RNF144A: variants seen among roughly 807,000 people sequenced by gnomAD.
RNF144A encodes ring finger protein 144A.
A neutral mutation model predicts 38.7 loss-of-function variants in RNF144A; 11 were observed. The observed-to-expected ratio is 0.28, with a 90% CI of 0.18 to 0.47. RNF144A has a LOEUF of 0.47. Ranked by LOEUF, RNF144A falls within the 20% of genes least tolerant of loss-of-function variation. RNF144A has a pLI of 0.99. For missense variants in RNF144A, 316 were observed against 377.2 expected, an observed-to-expected ratio of 0.84 and a Z score of 1.34; for synonymous variants, 149 against 143.9, an observed-to-expected ratio of 1.04 and a Z score of -0.25.
At chr2:6,925,188 A>C (rs1664781801) in intron 1 of RNF144A, among the ~76,000 whole-genome samples, 1 of 152,130 alleles carries the variant, frequency 6.6e-6, no homozygotes, top group Non-Finnish European at 1.5e-5. Context: ...ACCACTTGGC[A>C]GAAGTAAGTG....
chr2:7,010,699 C>A lies in RNF144A; in HGVS notation c.136-3755C>A, dbSNP rs71436174. On this transcript the variant is annotated intron_variant, in intron 3 of 8. Coordinates refer to ENST00000320892, the MANE Select transcript of RNF144A (RefSeq NM_014746.6). Reference sequence around the variant, plus strand: ...CTGGAACATTCTGTGGCTTACCCCCCTTTCTTCCCTCTGTGTGGCTGATGC... The same window carrying A: ...CTGGAACATTCTGTGGCTTACCCCCATTTCTTCCCTCTGTGTGGCTGATGC... 4.3e-3 allele frequency among the ~76,000 whole-genome samples: 659 copies of A among 152,228 alleles called. 2 individuals are homozygous for A. The highest frequency in any genetic ancestry group is 7.1e-3 in the Non-Finnish European group (485 of 67,998).
At chr2:6,999,138 T>C (rs76461195) in intron 3 of RNF144A, among the ~76,000 whole-genome samples, 24 of 152,358 alleles carry the variant, frequency 1.6e-4, no homozygotes, top group African/African-American at 5.5e-4. Context: ...GCTAGCACTG[T>C]GTTCTCCGAA....
chr2:6,977,360 G>A (rs762388261), intron 2 of RNF144A, among the ~76,000 whole-genome samples: 25 of 152,306 alleles, frequency 1.6e-4, no homozygotes, highest in African/African-American at 5.8e-4. Flanking sequence ...TTAATGACAC[G>A]AAAGCACAGA....
chr2:7,012,403 C>G (rs1431717749), intron 3 of RNF144A, among the ~76,000 whole-genome samples: 2 of 152,172 alleles, frequency 1.3e-5, no homozygotes, highest in African/African-American at 4.8e-5. Context: ...GTTTTATTGT[C>G]AAGTGCAGGG....
intron 6 of RNF144A, among the ~76,000 whole-genome samples, chr2:7,063,860 A>C (rs1674077516): frequency 6.6e-6 from 1 of 152,256 alleles, no homozygotes. Flanking sequence ...AATATGCCTT[A>C]GTCCATTTTC....
chr2:7,053,696 G>T (rs1398522880), intron 6 of RNF144A, among the ~76,000 whole-genome samples: 1 of 152,218 alleles, frequency 6.6e-6, no homozygotes, highest in East Asian at 1.9e-4. Context: ...ATTTGTTTTT[G>T]TGTATATGTA....
downstream of RNF144A, among the ~76,000 whole-genome samples, chr2:7,069,541 A>G (rs1397239100): frequency 6.6e-6 from 1 of 151,838 alleles, no homozygotes; most frequent in Non-Finnish European, 1.5e-5. Context: ...GCTCCCTCTC[A>G]TTCATATTCC....
At position 7,016,626 on chromosome 2, in the gene RNF144A, T is replaced by C. The variant is rs957031347; in HGVS notation, c.301+1854T>C. Among the ~76,000 whole-genome samples, 4 of 131,334 alleles carry C rather than the reference T, an allele frequency of 3.0e-5. No individual in the cohort carries two copies. In the Admixed American group the frequency reaches 3.1e-4, roughly 10 times the overall value. 86.2% of individuals were successfully genotyped at this position (131,334 alleles called of 152,430 possible). A position where few individuals can be genotyped will look rare whatever the true frequency, so the allele number is the denominator to read the frequency against. Reference sequence around the variant, plus strand: ...CATTATGTTCAAAGTTTTTTTTTTTTTAAGTATTCAGACTTCATACTATAA... The same window carrying C: ...CATTATGTTCAAAGTTTTTTTTTTTCTAAGTATTCAGACTTCATACTATAA... On this transcript the variant is annotated intron_variant, in intron 5 of 8. Transcript: ENST00000320892.
chr2:7,006,558 G>A (rs979195556), intron 3 of RNF144A, among the ~76,000 whole-genome samples: 22 of 151,910 alleles, frequency 1.4e-4, no homozygotes, highest in African/African-American at 3.6e-4. Context: ...TTGTGGCCCC[G>A]CTACCCCAAC....
intron 7 of RNF144A, among the ~76,000 whole-genome samples, chr2:7,028,772 G>T (rs749952084): frequency 6.6e-6 from 1 of 152,194 alleles, no homozygotes; most frequent in African/African-American, 2.4e-5. Context: ...GAAGAGAAAG[G>T]TGTGGCCAGA....
intron 3 of RNF144A, among the ~76,000 whole-genome samples, chr2:7,007,574 T>C (rs1425604052): frequency 6.6e-6 from 1 of 152,132 alleles, no homozygotes; most frequent in Non-Finnish European, 1.5e-5. Context: ...ACCCTCAACA[T>C]AGTACACTTG....
At chr2:6,965,949 AC>A (rs1317458422) in intron 2 of RNF144A, among the ~76,000 whole-genome samples, 2 of 152,152 alleles carry the variant, frequency 1.3e-5, no homozygotes, top group Non-Finnish European at 2.9e-5. Flanking sequence ...AGGAAAAAAG[AC>A]CGCTCCTCAC....
At position 6,984,779 on chromosome 2, in the gene RNF144A, C is replaced by A. The variant is rs375451368; in HGVS notation, c.-11-12137C>A. ...TGGTGCAGATCCTGAATATTCCCAGCCTTTAGGATTTAATGTGGTCCTGAC... is the reference window on the plus strand; with the variant it reads ...TGGTGCAGATCCTGAATATTCCCAGACTTTAGGATTTAATGTGGTCCTGAC... On this transcript the variant is annotated intron_variant, in intron 2 of 8. Transcript: ENST00000320892. Among the ~76,000 whole-genome samples, 11 of 152,308 alleles carry A rather than the reference C, an allele frequency of 7.2e-5. No homozygotes were observed. The East Asian group carries it at 1.7e-3, about 24-fold the overall frequency.
rs1665478874 is a variant in RNF144A at position 6,935,040 on chromosome 2, T to C, written c.-211-5908T>C. The stretch of plus-strand genomic sequence containing the variant: ...GCCACTTCCAGGCCATTGCACCTTC[T>C]TCCTTCCTAAAAATCCCCTGCTCCC... On this transcript the variant is annotated intron_variant, in intron 1 of 8. Transcript: ENST00000320892. 2.0e-5 allele frequency among the ~76,000 whole-genome samples: 3 copies of C among 151,246 alleles called. No individual in the cohort carries two copies. The South Asian group carries it at 6.3e-4, about 32-fold the overall frequency.
chr2:6,973,676 G>A (rs1668129011), intron 2 of RNF144A, among the ~76,000 whole-genome samples: 2 of 152,210 alleles, frequency 1.3e-5, no homozygotes, highest in South Asian at 4.1e-4. Context: ...CTAGAGAAAG[G>A]AGAAGATTGG....
chr2:6,918,149 C>T (rs2103262201), intron 1 of RNF144A: 1 of 152,476 alleles, frequency 6.6e-6, no homozygotes, highest in East Asian at 2.0e-4. Context: ...AAGGTCGGAA[C>T]TGGCCAAGAG....
At position 7,043,232 on chromosome 2, in the gene RNF144A, C is replaced by T; in HGVS notation, c.*3472C>T. 3 of 985,276 alleles carry T rather than the reference C, an allele frequency of 3.0e-6. No individual in the cohort carries two copies. The highest frequency in any genetic ancestry group is 3.6e-6 in the Non-Finnish European group (3 of 829,792). The allele number at this position is 985,276 out of a possible 1,614,324, so 61.0% of individuals were successfully genotyped here. ...TATTCCATAAAACCAGTTTAGGGCA[C>T]AGGCCAGTTCCTGATTAGAACACAG... On this transcript the variant is annotated 3_prime_UTR_variant, in exon 9 of 9. Coordinates refer to ENST00000320892, the MANE Select transcript of RNF144A (RefSeq NM_014746.6).
chr2:7,012,642 C>T (rs1287314492), intron 3 of RNF144A, among the ~76,000 whole-genome samples: 2 of 152,220 alleles, frequency 1.3e-5, no homozygotes, highest in African/African-American at 4.8e-5. Flanking sequence ...AACACGTCTG[C>T]GGATGGTTCC....
intron 1 of RNF144A, among the ~76,000 whole-genome samples, chr2:6,922,866 C>T (rs1275958866): frequency 6.6e-6 from 1 of 151,846 alleles, no homozygotes; most frequent in Admixed American, 6.6e-5. Flanking sequence ...TCTCATGATC[C>T]GCCCGCCTCG....
Sources: gnomAD v4.1 joint callset for allele counts (sites outside exome capture counted in the v4.1 genomes callset) on GRCh38, gnomAD v4.1.1 for gene constraint, MANE v1.5 for transcripts, NCBI Gene and HGNC (gene_info 2026-07-23, HGNC 2026-07-21) for gene names.